PECAM1: variants seen among roughly 807,000 people sequenced by gnomAD.
PECAM1 encodes the protein platelet and endothelial cell adhesion molecule 1, also known as platelet endothelial cell adhesion molecule.
PECAM1 carries 8 observed loss-of-function variants against 13.8 expected under a neutral mutation model. The observed-to-expected ratio is 0.58, with a 90% CI of 0.34 to 1.05. The LOEUF (loss-of-function observed/expected upper bound fraction) is 1.05, where lower values mean the gene tolerates loss of function less well. Among genes scored for constraint, PECAM1 ranks in the 50% least tolerant of loss-of-function variants. The probability of loss-of-function intolerance (pLI) is 0.03; values close to 1 mark genes in which losing one functional copy is unlikely to be tolerated. For synonymous variants in PECAM1, 136 were observed against 52.6 expected (o/e 2.58, Z -6.86); for missense variants, 304 against 141.2 (o/e 2.15, Z -5.84).
In PECAM1 at chr17:64,320,419, C is replaced by T. The variant is rs1017859842; in HGVS notation, c.*3397G>A. On this transcript the variant is annotated 3_prime_UTR_variant, in exon 16 of 16. Transcript: ENST00000563924. ...TCCAGGGCACCCCCCACTCCCTTGC[C>T]TCAGGGCCTTCCTGCACTTCTTCCT... 6 of 152,714 alleles carry T rather than the reference C, an allele frequency of 3.9e-5. No individual in the cohort carries two copies. The highest frequency in any genetic ancestry group is 1.4e-4 in the African/African-American group (6 of 41,452). The allele number at this position is 152,714 out of a possible 1,614,324, so 9.5% of individuals were successfully genotyped here. A position where few individuals can be genotyped will look rare whatever the true frequency, so the allele number is the denominator to read the frequency against.
intron 13 of PECAM1, among the ~76,000 whole-genome samples, chr17:64,344,855 T>C (rs1282678787): frequency 6.6e-6 from 1 of 152,024 alleles, no homozygotes; most frequent in Non-Finnish European, 1.5e-5. Context: ...GTGACCCTCT[T>C]TACGGGTCTA....
chr17:64,348,635 A>G (rs1267399844), intron 12 of PECAM1, among the ~76,000 whole-genome samples: 1 of 151,948 alleles, frequency 6.6e-6, no homozygotes, highest in East Asian at 1.9e-4. Flanking sequence ...ACAGGGTTTC[A>G]CCATATTGGC....
intron 2 of PECAM1, among the ~76,000 whole-genome samples, chr17:64,385,982 G>A (rs1166912408): frequency 2.0e-5 from 3 of 152,192 alleles, no homozygotes; most frequent in Non-Finnish European, 2.9e-5. Flanking sequence ...TGTCAGGAGG[G>A]GTGTGACAGC....
At chr17:64,352,313 A>G in intron 11 of PECAM1, 77 bp downstream of exon 11, 1 of 446,132 alleles carries the variant, frequency 2.2e-6, no homozygotes. Flanking sequence ...CCACTTACAT[A>G]TTCTGCTTCT....
intron 12 of PECAM1, among the ~76,000 whole-genome samples, chr17:64,349,461 A>G (rs1196690100): frequency 1.3e-5 from 2 of 151,458 alleles, no homozygotes; most frequent in Admixed American, 1.3e-4. Context: ...GGTGGCACAC[A>G]CCTGTAATCC....
At position 64,321,657 on chromosome 17, in the gene PECAM1, A is replaced by C; in HGVS notation, c.*2159T>G. ...ACGCCTCTGGTCCCAGCTACCCAGG[A>C]AGCTGAGATGGGAGGATCGCTTGAG... On this transcript the variant is annotated 3_prime_UTR_variant, in exon 16 of 16. Transcript: ENST00000563924. 1.8e-6 allele frequency: 1 copy of C among 558,374 alleles called. No individual in the cohort carries two copies. The highest frequency in any genetic ancestry group is 2.5e-6 in the Non-Finnish European group (1 of 404,376). The allele number at this position is 558,374 out of a possible 1,614,324, so 34.6% of individuals were successfully genotyped here. A position where few individuals can be genotyped will look rare whatever the true frequency, so the allele number is the denominator to read the frequency against.
At chr17:64,324,750 G>A (rs1342453133) in intron 15 of PECAM1, among the ~76,000 whole-genome samples, 1 of 152,200 alleles carries the variant, frequency 6.6e-6, no homozygotes, top group South Asian at 2.1e-4. Context: ...CCTTGAAAAC[G>A]TTATGCTAAA....
intron 5 of PECAM1, among the ~76,000 whole-genome samples, chr17:64,363,983 C>T (rs1223523743): frequency 1.3e-5 from 2 of 151,968 alleles, no homozygotes; most frequent in Non-Finnish European, 2.9e-5. Context: ...CAGAGCAGAA[C>T]TGAAGGAAAT....
chr17:64,324,434 G>A (rs1474800756), intron 15 of PECAM1, among the ~76,000 whole-genome samples: 8 of 152,084 alleles, frequency 5.3e-5, no homozygotes, highest in Non-Finnish European at 1.2e-4. Context: ...CTCTGTCCCT[G>A]CATACATGTT....
At chr17:64,377,623 A>AGGAAGGAAGGAAGGAAGGAAGGAG (rs2036391300) in intron 3 of PECAM1, 1 of 377,796 alleles carries the variant, frequency 2.6e-6, no homozygotes, top group African/African-American at 2.1e-5. Context: ...AAAGAAAGGA[A>AGGAAGGAAGGAAGGAAGGAAGGAG]GGAAGGAAGG....
intron 5 of PECAM1, among the ~76,000 whole-genome samples, chr17:64,367,301 C>T (rs1045576628): frequency 1.3e-5 from 2 of 152,068 alleles, no homozygotes; most frequent in Middle Eastern, 3.2e-3. Context: ...CCTGTAATCC[C>T]AGCATTTTGG....
At chr17:64,328,079 T>G (rs2035006730) in intron 15 of PECAM1, among the ~76,000 whole-genome samples, 1 of 152,222 alleles carries the variant, frequency 6.6e-6, no homozygotes, top group African/African-American at 2.4e-5. Flanking sequence ...CAGTCATGGG[T>G]GAGCTCTCAG....
intron 2 of PECAM1, among the ~76,000 whole-genome samples, chr17:64,387,985 C>G (rs1157256063): frequency 6.6e-6 from 1 of 152,214 alleles, no homozygotes; most frequent in African/African-American, 2.4e-5. Context: ...TGCCCACCCC[C>G]AGTGTTGACC....
chr17:64,349,404 A>G (rs895580056), intron 12 of PECAM1, among the ~76,000 whole-genome samples: 10 of 151,868 alleles, frequency 6.6e-5, no homozygotes, highest in Non-Finnish European at 1.5e-4. Flanking sequence ...TCTGGCCAAC[A>G]TGGTAAAAAT....
chr17:64,389,162 AG>A (rs1221546954), intron 2 of PECAM1, among the ~76,000 whole-genome samples: 1 of 152,200 alleles, frequency 6.6e-6, no homozygotes, highest in Non-Finnish European at 1.5e-5. Context: ...CACTGCTCCG[AG>A]GCTTGACTCA....
intron 3 of PECAM1, 74 bp downstream of exon 3, chr17:64,377,750 C>G: frequency 2.1e-6 from 1 of 470,972 alleles, no homozygotes; most frequent in East Asian, 3.1e-5. Context: ...TGTCACTATT[C>G]ATTCACAGCT....
intron 14 of PECAM1, 126 bp from the exon 15 acceptor site, chr17:64,329,848 C>T: frequency 1.4e-6 from 1 of 705,938 alleles, no homozygotes; most frequent in Non-Finnish European, 2.6e-6. Context: ...GAGACATCAG[C>T]CGGCAGGTGC....
intron 4 of PECAM1, among the ~76,000 whole-genome samples, chr17:64,374,065 C>G (rs1213296528): frequency 6.6e-6 from 1 of 152,096 alleles, no homozygotes; most frequent in Non-Finnish European, 1.5e-5. Flanking sequence ...GGCTGAGGAC[C>G]TGGCCCCTCT....
chr17:64,361,815 A>G (rs917852539), intron 6 of PECAM1, among the ~76,000 whole-genome samples: 1 of 151,966 alleles, frequency 6.6e-6, no homozygotes, highest in Non-Finnish European at 1.5e-5. Context: ...CTCTTAACAG[A>G]TAAGAATTAT....
Sources: allele counts gnomAD v4.1 joint callset (sites outside exome capture counted in the v4.1 genomes callset), GRCh38; gene constraint gnomAD v4.1.1; transcripts MANE v1.5; gene names NCBI Gene and HGNC (gene_info 2026-07-23, HGNC 2026-07-21).